The following HS2ST1 variants were observed in gnomAD, a reference collection of about 807,000 sequenced individuals.
The protein encoded by HS2ST1 is 2-O-sulfotransferase.
Under a neutral mutation model 42.9 loss-of-function variants are expected in HS2ST1, and 18 were observed. That is an observed-to-expected ratio of 0.42 (90% confidence interval 0.29 to 0.62). HS2ST1 has a LOEUF of 0.62. Ranked by LOEUF, HS2ST1 falls within the 20% of genes least tolerant of loss-of-function variation. HS2ST1 has a pLI of 0.21. For synonymous variants in HS2ST1, 146 were observed against 152.9 expected, an observed-to-expected ratio of 0.95 and a Z score of 0.33; for missense variants, 334 against 433.8, an observed-to-expected ratio of 0.77 and a Z score of 2.04.
intron 1 of HS2ST1, among the ~76,000 whole-genome samples, chr1:87,049,309 A>G (rs900779252): frequency 6.6e-6 from 1 of 151,332 alleles, no homozygotes; most frequent in African/African-American, 2.4e-5. Flanking sequence ...CTAGAAGTTT[A>G]TCAGTTTTAT....
chr1:87,001,760 T>C (rs904859271), intron 1 of HS2ST1, among the ~76,000 whole-genome samples: 2 of 151,264 alleles, frequency 1.3e-5, no homozygotes, highest in East Asian at 2.0e-4. Flanking sequence ...ATTACAGGCA[T>C]GTGCCACCAC....
Position 87,072,929 on chromosome 1 carries a change from T to C in HS2ST1, c.125-5T>C, listed in dbSNP as rs1247306295. ...AACTTAGTTCGTATCTGTTTTTCTT[T>C]CCAGAAAGGGCTATTGCAAGACACG... is the stretch of plus-strand genomic sequence containing the variant. On this transcript the variant is annotated splice_polypyrimidine_tract_variant and splice_region_variant and intron_variant, in intron 1 of 6. Coordinates refer to ENST00000370550, the MANE Select transcript of HS2ST1 (RefSeq NM_012262.4). 4.3e-6 allele frequency: 7 copies of C among 1,609,494 alleles called. No homozygotes were observed. Among genetic ancestry groups the C allele is most frequent in the Non-Finnish European group, 4.3e-6 (5 of 1,176,042 alleles).
At chr1:87,046,640 T>A in intron 1 of HS2ST1, 5 of 1,547,290 alleles carry the variant, frequency 3.2e-6, no homozygotes, top group Non-Finnish European at 4.4e-6. Flanking sequence ...AACGAATGCA[T>A]CAGATCAACA....
chr1:87,096,533 A>G lies in HS2ST1; in HGVS notation c.589-1305A>G, dbSNP rs181351755. Among the ~76,000 whole-genome samples the G allele has an allele frequency of 2.0e-4, 31 of 152,298 alleles. No homozygotes were observed. The East Asian group carries it at 5.4e-3, about 27-fold the overall frequency. The stretch of plus-strand genomic sequence containing the variant: ...TCCAAAATTTTATTTTTTGCTTGAA[A>G]GCTTAATTTTTATCATTGGCCTATC... On this transcript the variant is annotated intron_variant, in intron 4 of 6. Transcript: ENST00000370550.
At chr1:86,990,034 G>C (rs1024047501) in intron 1 of HS2ST1, among the ~76,000 whole-genome samples, 4 of 151,922 alleles carry the variant, frequency 2.6e-5, no homozygotes, top group African/African-American at 9.7e-5. Flanking sequence ...ACATGTGTGT[G>C]CATGTGTCTT....
At chr1:87,026,508 A>C (rs938164880) in intron 1 of HS2ST1, among the ~76,000 whole-genome samples, 2 of 152,220 alleles carry the variant, frequency 1.3e-5, no homozygotes, top group Admixed American at 1.3e-4. Flanking sequence ...CATTTTATAA[A>C]ATTATTCAAC....
chr1:87,105,059 T>A lies in HS2ST1; in HGVS notation c.*363T>A, dbSNP rs188911878. 4.4e-5 allele frequency: 9 copies of A among 202,416 alleles called. No homozygotes were observed. In the East Asian group the frequency reaches 8.9e-4, roughly 20 times the overall value. The allele number at this position is 202,416 out of a possible 1,614,324, so 12.5% of individuals were successfully genotyped here. The stretch of plus-strand genomic sequence containing the variant: ...AAGCATTTTTTCAACTAACCATGAA[T>A]TAAGATGAGTCCATTTGCCTCTTCT... On this transcript the variant is annotated 3_prime_UTR_variant, in exon 7 of 7. Coordinates refer to ENST00000370550, the MANE Select transcript of HS2ST1 (RefSeq NM_012262.4).
chr1:87,054,790 G>A (rs1436234627), intron 1 of HS2ST1, among the ~76,000 whole-genome samples: 1 of 152,154 alleles, frequency 6.6e-6, no homozygotes, highest in Admixed American at 6.5e-5. Context: ...GAATGGCAAA[G>A]TCAGAAGAGG....
intron 1 of HS2ST1, chr1:87,046,131 T>C: frequency 1.4e-6 from 1 of 701,358 alleles, no homozygotes; most frequent in Non-Finnish European, 2.7e-6. Flanking sequence ...TATGAATGCT[T>C]TAGATAACAG....
At chr1:87,073,743 T>A (rs568858114) in intron 2 of HS2ST1, among the ~76,000 whole-genome samples, 1 of 152,224 alleles carries the variant, frequency 6.6e-6, no homozygotes, top group African/African-American at 2.4e-5. Context: ...GAGGAAATTA[T>A]CTTATGAAAT....
intron 1 of HS2ST1, among the ~76,000 whole-genome samples, chr1:87,037,139 C>T (rs1001143459): frequency 5.0e-5 from 1 of 19,938 alleles, no homozygotes; most frequent in South Asian, 3.5e-3. Context: ...TTTGCTTTAT[C>T]GTCATTGAAA....
At position 86,961,421 on chromosome 1, in the gene HS2ST1, A is replaced by T. The variant is rs547966200; in HGVS notation, c.124+46261A>T. ...TTGATAAAACAAGAAAAGCTAAGAA[A>T]TGATTACCGGAAGGATAGTTTTTAT... On this transcript the variant is annotated intron_variant, in intron 1 of 6. Transcript: ENST00000370550. Among the ~76,000 whole-genome samples the T allele has an allele frequency of 1.5e-3, 221 of 152,276 alleles. 1 individual carries two copies. Among genetic ancestry groups the T allele is most frequent in the African/African-American group, 5.1e-3 (210 of 41,582 alleles).
chr1:87,105,687 A>C lies in HS2ST1; in HGVS notation c.*991A>C, dbSNP rs555770662. The C allele has an allele frequency of 6.6e-6, 1 of 152,640 alleles. No homozygotes were observed. Among genetic ancestry groups the C allele is most frequent in the East Asian group, 1.9e-4 (1 of 5,190 alleles). 9.5% of individuals were successfully genotyped at this position (152,640 alleles called of 1,614,324 possible). On this transcript the variant is annotated 3_prime_UTR_variant, in exon 7 of 7. Transcript: ENST00000370550. ...GCATATTTTATGTATTTGGACCAAA[A>C]GGTTACAAGTAATTAGACAAAAGTG... is the stretch of plus-strand genomic sequence containing the variant.
intron 1 of HS2ST1, among the ~76,000 whole-genome samples, chr1:87,000,756 T>G (rs1221463285): frequency 1.3e-5 from 2 of 152,234 alleles, no homozygotes; most frequent in Admixed American, 6.5e-5. Flanking sequence ...TTATAGCTTT[T>G]GTATGCTTCA....
intron 1 of HS2ST1, among the ~76,000 whole-genome samples, chr1:86,971,200 A>G (rs753038710): frequency 1.3e-5 from 2 of 152,202 alleles, no homozygotes; most frequent in Admixed American, 6.5e-5. Context: ...AATTGGCTAG[A>G]CATGGAAATA....
chr1:87,043,094 A>C (rs1348376816), intron 1 of HS2ST1, among the ~76,000 whole-genome samples: 1 of 152,110 alleles, frequency 6.6e-6, no homozygotes, highest in Non-Finnish European at 1.5e-5. Context: ...ACTTATAACA[A>C]ATCTTTCTAT....
intron 1 of HS2ST1, among the ~76,000 whole-genome samples, chr1:86,972,303 A>G (rs899040870): frequency 1.4e-4 from 22 of 152,206 alleles, no homozygotes; most frequent in Non-Finnish European, 3.2e-4. Flanking sequence ...AGAGGGAGAG[A>G]GAGAACATTC....
chr1:86,985,383 T>TATATATATATATATACACACACACACAC (rs1413099470), intron 1 of HS2ST1, among the ~76,000 whole-genome samples: 2 of 44,706 alleles, frequency 4.5e-5, no homozygotes, highest in African/African-American at 1.0e-4. Flanking sequence ...TATATATATA[T>TATATATATATATATACACACACACACAC]ACACACACAC....
Position 87,015,408 on chromosome 1 carries a change from C to T in HS2ST1, c.125-57526C>T, listed in dbSNP as rs139376356. 5.0e-3 allele frequency among the ~76,000 whole-genome samples: 694 copies of T among 139,014 alleles called. 5 individuals carry two copies. The highest frequency in any genetic ancestry group is 0.028 in the Middle Eastern group (6 of 218). 91.2% of individuals were successfully genotyped at this position (139,014 alleles called of 152,430 possible). A position where few individuals can be genotyped will look rare whatever the true frequency, so the allele number is the denominator to read the frequency against. ...CGTGGCCCAGGCTGGAATGCGGTGG[C>T]GCAATCTCGGCTCACTGCAAGCTCT... On this transcript the variant is annotated intron_variant, in intron 1 of 6. Transcript: ENST00000370550.
Sources: gnomAD v4.1 joint callset for allele counts (sites outside exome capture counted in the v4.1 genomes callset) on GRCh38, gnomAD v4.1.1 for gene constraint, MANE v1.5 for transcripts, NCBI Gene and HGNC (gene_info 2026-07-23, HGNC 2026-07-21) for gene names.